MAML3: variants seen among roughly 807,000 people sequenced by gnomAD.
The protein encoded by MAML3 is mastermind-like protein 3.
MAML3 carries 27 observed loss-of-function variants against 101.9 expected under a neutral mutation model. The observed-to-expected ratio is 0.27, with a 90% CI of 0.20 to 0.37. The LOEUF (loss-of-function observed/expected upper bound fraction) is 0.37. MAML3 is among the 10% of genes least tolerant of loss of function. The pLI, the probability that MAML3 is intolerant of heterozygous loss-of-function variation, is 1.00. For missense variants in MAML3, 1,316 were observed against 1,444.9 expected (o/e 0.91, Z 1.45); for synonymous variants, 501 against 555.9 (o/e 0.90, Z 1.39).
At chr4:139,797,249 A>G (rs1730527368) in intron 2 of MAML3, among the ~76,000 whole-genome samples, 1 of 152,230 alleles carries the variant, frequency 6.6e-6, no homozygotes, top group South Asian at 2.1e-4. Context: ...CATTTAACTA[A>G]TAAGAGTCCA....
At position 139,736,732 on chromosome 4, in the gene MAML3, C is replaced by G. The variant is rs143641748; in HGVS notation, c.2080-6065G>C. On this transcript the variant is annotated intron_variant, in intron 2 of 4. Transcript: ENST00000509479. ...CTTGTTAGAAATGCAAATTCCCAGG[C>G]TCCCCTCTAGGCCTCCTGAATTAGA... is the stretch of plus-strand genomic sequence containing the variant. Among the ~76,000 whole-genome samples the G allele has an allele frequency of 1.8e-3, 279 of 152,292 alleles. 1 individual carries two copies. Among genetic ancestry groups the G allele is most frequent in the African/African-American group, 6.4e-3 (268 of 41,564 alleles).
chr4:140,149,641 C>G (rs1324437884), intron 1 of MAML3, among the ~76,000 whole-genome samples: 1 of 152,108 alleles, frequency 6.6e-6, no homozygotes, highest in Non-Finnish European at 1.5e-5. Context: ...GAATCCTATT[C>G]ATCTTTATTT....
intron 1 of MAML3, among the ~76,000 whole-genome samples, chr4:139,935,856 C>T (rs1267793108): frequency 2.0e-5 from 3 of 152,132 alleles, no homozygotes; most frequent in Non-Finnish European, 4.4e-5. Flanking sequence ...ATATCCATCA[C>T]CTCACATAGT....
intron 1 of MAML3, among the ~76,000 whole-genome samples, chr4:140,073,904 C>A (rs377738088): frequency 1.3e-5 from 2 of 151,660 alleles, no homozygotes; most frequent in Admixed American, 1.3e-4. Context: ...GAGGCCGAGG[C>A]GGGCAGATCA....
chr4:139,961,233 T>C (rs1734008287), intron 1 of MAML3, among the ~76,000 whole-genome samples: 1 of 152,234 alleles, frequency 6.6e-6, no homozygotes, highest in Non-Finnish European at 1.5e-5. Flanking sequence ...TCACCTGCAG[T>C]TATCTTCTTT....
chr4:139,890,233 G>A lies in MAML3; in HGVS notation c.1203C>T (p.Pro401=), dbSNP rs184992138. The A allele has an allele frequency of 4.3e-5, 70 of 1,613,604 alleles. No homozygotes were observed. Among genetic ancestry groups the A allele is most frequent in the Admixed American group, 1.3e-4 (8 of 60,014 alleles). ...ATSLPSVAST[P]AAPNPASSPA... ...GTGAGCTTGCAGGGTTTGGAGCTGC[G>A]GGAGTGCTGGCAACAGAAGGTAAAC... Residue 401 remains proline (P), a synonymous_variant, in exon 2 of 5, where the codon CCC becomes CCT. Coordinates refer to ENST00000509479, the MANE Select transcript of MAML3 (RefSeq NM_018717.5). The surrounding 1 kb of genome is among the most constrained non-coding windows in gnomAD (Gnocchi z 4.1).
chr4:139,877,308 G>C (rs1732134432), intron 2 of MAML3, among the ~76,000 whole-genome samples: 1 of 149,564 alleles, frequency 6.7e-6, no homozygotes, highest in African/African-American at 2.5e-5. Flanking sequence ...AAATATAATA[G>C]AGTATCTTTG....
At chr4:140,013,939 C>T (rs13114050) in intron 1 of MAML3, among the ~76,000 whole-genome samples, 64,906 of 152,022 alleles carry the variant, frequency 0.43, 15,025 homozygotes, top group East Asian at 0.65. Context: ...GATAGGAATG[C>T]GGTGTGGATC....
At chr4:139,742,896 C>T (rs1051011959) in intron 2 of MAML3, among the ~76,000 whole-genome samples, 1 of 152,126 alleles carries the variant, frequency 6.6e-6, no homozygotes, top group Non-Finnish European at 1.5e-5. Context: ...TTTTTGCCAC[C>T]TATCCCTTCT....
chr4:139,889,750 C>T lies in MAML3; in HGVS notation c.1686G>A (p.Gln562=), dbSNP rs774112443. Residue 562 remains glutamine, a synonymous_variant, in exon 2 of 5, where the codon CAG becomes CAA. Coordinates refer to ENST00000509479, the MANE Select transcript of MAML3 (RefSeq NM_018717.5). ...PIVPPMANNL[Q]KTTMNNYLPQ... is the part of the protein sequence containing the mutation. The stretch of plus-strand genomic sequence containing the variant: ...GGAGGTAGTTATTCATTGTTGTCTT[C>T]TGCAGGTTGTTTGCCATTGGAGGCA... The T allele has an allele frequency of 2.3e-5, 37 of 1,613,916 alleles. No individual in the cohort carries two copies. The highest frequency in any genetic ancestry group is 3.3e-4 in the Middle Eastern group (2 of 6,084).
chr4:140,049,023 C>T (rs1336226060), intron 1 of MAML3, among the ~76,000 whole-genome samples: 2 of 152,118 alleles, frequency 1.3e-5, no homozygotes, highest in East Asian at 3.9e-4. Flanking sequence ...AGGAGCAAAG[C>T]AGATATGCAG....
At chr4:140,091,041 T>C (rs1728036644) in intron 1 of MAML3, among the ~76,000 whole-genome samples, 1 of 148,864 alleles carries the variant, frequency 6.7e-6, no homozygotes, top group African/African-American at 2.5e-5. Context: ...CAGAGCGAGA[T>C]TCTGTCTCAA....
At chr4:139,754,652 C>T (rs1169687076) in intron 2 of MAML3, among the ~76,000 whole-genome samples, 1 of 152,088 alleles carries the variant, frequency 6.6e-6, no homozygotes, top group African/African-American at 2.4e-5. Flanking sequence ...GTGTTTAAGG[C>T]TCCTGTTTTG....
intron 2 of MAML3, among the ~76,000 whole-genome samples, chr4:139,753,570 T>C (rs994149038): frequency 8.5e-5 from 13 of 152,076 alleles, no homozygotes; most frequent in Non-Finnish European, 1.8e-4. Flanking sequence ...ACCATGAAAA[T>C]AAAATATAAT....
rs1028105876 is a variant in MAML3 at position 139,835,880 on chromosome 4, A to G, written c.2079+53477T>C. Among the ~76,000 whole-genome samples, 18 of 152,240 alleles carry G rather than the reference A, an allele frequency of 1.2e-4. 1 individual carries two copies. The highest frequency in any genetic ancestry group is 3.6e-4 in the African/African-American group (15 of 41,460). ...TCAATTTAAACGCAAAGATGATGGG[A>G]AAAATTCCATCTATATAATGGAAAA... On this transcript the variant is annotated intron_variant, in intron 2 of 4. Transcript: ENST00000509479.
chr4:139,797,925 T>C (rs772295227), intron 2 of MAML3, among the ~76,000 whole-genome samples: 11 of 151,676 alleles, frequency 7.3e-5, no homozygotes, highest in Non-Finnish European at 5.9e-5. Context: ...TATTTTAGAA[T>C]TGTATATGTA....
intron 2 of MAML3, among the ~76,000 whole-genome samples, chr4:139,840,928 G>C (rs1164024645): frequency 6.6e-6 from 1 of 152,198 alleles, no homozygotes; most frequent in African/African-American, 2.4e-5. Context: ...CTGGGCTCTG[G>C]CTCTTAATGC....
At chr4:139,978,699 C>A (rs764677820) in intron 1 of MAML3, among the ~76,000 whole-genome samples, 1 of 151,770 alleles carries the variant, frequency 6.6e-6, no homozygotes, top group African/African-American at 2.4e-5. Flanking sequence ...TGGGCCCTGG[C>A]AGGTTATCAA....
At chr4:140,138,498 A>C (rs1728932701) in intron 1 of MAML3, among the ~76,000 whole-genome samples, 1 of 152,228 alleles carries the variant, frequency 6.6e-6, no homozygotes, top group African/African-American at 2.4e-5. Context: ...AACATCAGAG[A>C]ATCTCCGGGC....
Sources: gnomAD v4.1 joint callset for allele counts (sites outside exome capture counted in the v4.1 genomes callset) on GRCh38, gnomAD v4.1.1 for gene constraint, Gnocchi (gnomAD v3.1) non-coding constraint, MANE v1.5 for transcripts, NCBI Gene and HGNC (gene_info 2026-07-23, HGNC 2026-07-21) for gene names.